The following NDFIP1 variants were observed in gnomAD, a reference collection of about 807,000 sequenced individuals.
NDFIP1 encodes NEDD4 family-interacting protein 1.
A neutral mutation model predicts 28.8 loss-of-function variants in NDFIP1; 7 were observed. The observed-to-expected ratio is 0.24, with a 90% CI of 0.14 to 0.46. The LOEUF (loss-of-function observed/expected upper bound fraction) is 0.46, where lower values mean the gene tolerates loss of function less well. NDFIP1 is among the 20% of genes least tolerant of loss of function. The probability of loss-of-function intolerance (pLI) is 0.99; values close to 1 mark genes in which losing one functional copy is unlikely to be tolerated. For synonymous variants in NDFIP1, 92 were observed against 101.0 expected (o/e 0.91, Z 0.53); for missense variants, 194 against 269.1 (o/e 0.72, Z 1.95).
At chr5:142,119,490 T>C (rs977506530) in intron 1 of NDFIP1, among the ~76,000 whole-genome samples, 2 of 152,262 alleles carry the variant, frequency 1.3e-5, no homozygotes, top group South Asian at 4.1e-4. Flanking sequence ...AGTTATCTTG[T>C]TTTGTCACAT....
intron 7 of NDFIP1, among the ~76,000 whole-genome samples, chr5:142,148,703 A>G (rs566326125): frequency 2.1e-5 from 3 of 144,804 alleles, no homozygotes; most frequent in African/African-American, 7.6e-5. Context: ...GTGAGCCAAG[A>G]TCACACCACT....
At chr5:142,126,200 G>A (rs922369567) in intron 1 of NDFIP1, among the ~76,000 whole-genome samples, 1 of 152,144 alleles carries the variant, frequency 6.6e-6, no homozygotes, top group Non-Finnish European at 1.5e-5. Context: ...TTTACTTTTT[G>A]TAATTATACT....
chr5:142,150,686 A>G (rs907149445), intron 7 of NDFIP1, among the ~76,000 whole-genome samples: 3 of 150,540 alleles, frequency 2.0e-5, no homozygotes, highest in Admixed American at 6.7e-5. Context: ...AGCTCGCGCC[A>G]CTGCACTCCA....
intron 1 of NDFIP1, among the ~76,000 whole-genome samples, chr5:142,121,892 A>ACT (rs1468684011): frequency 6.6e-6 from 1 of 152,158 alleles, no homozygotes; most frequent in Non-Finnish European, 1.5e-5. Context: ...TTTGGCCAAC[A>ACT]CTCACTAATG....
intron 1 of NDFIP1, among the ~76,000 whole-genome samples, chr5:142,125,758 C>A (rs142084282): frequency 6.6e-6 from 1 of 152,356 alleles, no homozygotes; most frequent in Non-Finnish European, 1.5e-5. Flanking sequence ...CGTTTCTCCA[C>A]ATACTCAGCA....
chr5:142,135,698 G>C (rs1757268302), intron 3 of NDFIP1, 32 bp from the exon 4 acceptor site: 5 of 1,584,252 alleles, frequency 3.2e-6, no homozygotes, highest in Admixed American at 1.7e-5. Context: ...TCTTCCCTTT[G>C]CCTAGAAATA....
intron 7 of NDFIP1, among the ~76,000 whole-genome samples, chr5:142,146,766 T>G (rs1223988186): frequency 2.0e-5 from 3 of 152,200 alleles, no homozygotes; most frequent in Non-Finnish European, 4.4e-5. Context: ...TTCATCTTGG[T>G]TCTAAGCATA....
chr5:142,136,308 T>C (rs67432756), intron 4 of NDFIP1, among the ~76,000 whole-genome samples: 16,217 of 152,176 alleles, frequency 0.11, 1,203 homozygotes, highest in East Asian at 0.37. Context: ...GATAAGAAAA[T>C]GCAATGCTTT....
chr5:142,114,514 A>G (rs1757046547), intron 1 of NDFIP1, among the ~76,000 whole-genome samples: 1 of 152,238 alleles, frequency 6.6e-6, no homozygotes, highest in African/African-American at 2.4e-5. Context: ...AGTGTAAGAA[A>G]TTTTATGTAC....
intron 5 of NDFIP1, among the ~76,000 whole-genome samples, chr5:142,140,295 A>G (rs1261633541): frequency 6.6e-6 from 1 of 152,008 alleles, no homozygotes; most frequent in Non-Finnish European, 1.5e-5. Flanking sequence ...CTAAAAATAT[A>G]AAGTTAGCCA....
At chr5:142,150,106 G>C (rs1327617529) in intron 7 of NDFIP1, among the ~76,000 whole-genome samples, 1 of 150,868 alleles carries the variant, frequency 6.6e-6, no homozygotes, top group Admixed American at 6.6e-5. Context: ...GCATGAACCC[G>C]GGGGGCGGAG....
At chr5:142,133,670 C>T (rs1757247346) in intron 3 of NDFIP1, among the ~76,000 whole-genome samples, 1 of 152,182 alleles carries the variant, frequency 6.6e-6, no homozygotes, top group Admixed American at 6.5e-5. Context: ...TCATTTGATA[C>T]AAGTACATAT....
At position 142,142,944 on chromosome 5, in the gene NDFIP1, T is replaced by G. The variant is rs200381479; in HGVS notation, c.563-1627T>G. 20 of 44,700 alleles carry G rather than the reference T, an allele frequency of 4.5e-4. No homozygotes were observed. In the East Asian group the frequency reaches 5.9e-3, roughly 13 times the overall value. 2.8% of individuals were successfully genotyped at this position (44,700 alleles called of 1,614,324 possible). A position where few individuals can be genotyped will look rare whatever the true frequency, so the allele number is the denominator to read the frequency against. ...AAAAAAAAAAAAAAAAAAAAAAATA[T>G]ATATATATATATATATATATATATT... On this transcript the variant is annotated intron_variant, in intron 6 of 7. Coordinates refer to ENST00000253814, the MANE Select transcript of NDFIP1 (RefSeq NM_030571.4).
At chr5:142,138,539 T>C (rs12655675) in intron 5 of NDFIP1, among the ~76,000 whole-genome samples, 45,134 of 152,128 alleles carry the variant, frequency 0.3, 7,458 homozygotes, top group Non-Finnish European at 0.37. Flanking sequence ...CCGTCATAAA[T>C]TGGCATACTT....
intron 1 of NDFIP1, among the ~76,000 whole-genome samples, chr5:142,124,792 C>G (rs1198435283): frequency 6.6e-6 from 1 of 151,014 alleles, no homozygotes; most frequent in African/African-American, 2.4e-5. Flanking sequence ...GTGGGTTTTT[C>G]TTTTCTTTTT....
chr5:142,140,228 C>G (rs1344704136), intron 5 of NDFIP1, among the ~76,000 whole-genome samples: 1 of 152,004 alleles, frequency 6.6e-6, no homozygotes, highest in Non-Finnish European at 1.5e-5. Context: ...GTGGGTGGAT[C>G]ACCTGAGGTA....
rs552853589 is a variant in NDFIP1, at chr5:142,109,643, A to G, written c.63+606A>G. Among the ~76,000 whole-genome samples, 3 of 152,336 alleles carry G rather than the reference A, an allele frequency of 2.0e-5. No individual in the cohort carries two copies. The East Asian group carries it at 5.8e-4, about 29-fold the overall frequency. On this transcript the variant is annotated intron_variant, in intron 1 of 7. Coordinates refer to ENST00000253814, the MANE Select transcript of NDFIP1 (RefSeq NM_030571.4). ...TGGTGATGCCCCAAAAGGGAGAGCT[A>G]CGATGAAGTCTGCAGGGCGTGTGCC...
intron 6 of NDFIP1, among the ~76,000 whole-genome samples, chr5:142,141,244 C>T (rs1403632667): frequency 7.6e-6 from 1 of 131,932 alleles, no homozygotes; most frequent in Non-Finnish European, 1.5e-5. Context: ...GGCGTGATCT[C>T]GGCTCACTGC....
intron 6 of NDFIP1, among the ~76,000 whole-genome samples, chr5:142,141,010 T>C (rs1757323551): frequency 6.6e-6 from 1 of 152,100 alleles, no homozygotes; most frequent in African/African-American, 2.4e-5. Flanking sequence ...AACTAACTCA[T>C]AAGTGCAGGT....
Sources: gnomAD v4.1 joint callset for allele counts (sites outside exome capture counted in the v4.1 genomes callset) on GRCh38, gnomAD v4.1.1 for gene constraint, MANE v1.5 for transcripts, NCBI Gene and HGNC (gene_info 2026-07-23, HGNC 2026-07-21) for gene names.